Variants in PCDHA1 observed in about 807,000 individuals in gnomAD.
PCDHA1 encodes protocadherin alpha-1.
PCDHA1 carries 42 observed loss-of-function variants against 61.3 expected under a neutral mutation model. That is an observed-to-expected ratio of 0.69 (90% confidence interval 0.54 to 0.89). The LOEUF is 0.89. PCDHA1 is among the 40% of genes least tolerant of loss of function. The pLI is 0.00. For synonymous variants in PCDHA1, 610 were observed against 553.8 expected (o/e 1.10, Z -1.43); for missense variants, 1,256 against 1,235.3 (o/e 1.02, Z -0.25).
chr5:140,955,832 G>A (rs2095230258), intron 1 of PCDHA1, among the ~76,000 whole-genome samples: 1 of 152,132 alleles, frequency 6.6e-6, no homozygotes, highest in South Asian at 2.1e-4. Flanking sequence ...TTGAGCAGTG[G>A]TTTGTCATTC....
intron 1 of PCDHA1, chr5:140,829,465 C>G (rs2150168424): frequency 1.2e-6 from 2 of 1,613,822 alleles, no homozygotes; most frequent in Admixed American, 1.7e-5. Flanking sequence ...TCGCGCAGCC[C>G]GAGTACACAG....
At chr5:140,842,475 T>A in intron 1 of PCDHA1, 4 of 1,613,948 alleles carry the variant, frequency 2.5e-6, no homozygotes, top group Non-Finnish European at 2.5e-6. Context: ...AACGGGCAGG[T>A]GACCTGCTCC....
At chr5:140,914,038 T>C (rs949307049) in intron 1 of PCDHA1, among the ~76,000 whole-genome samples, 14 of 152,206 alleles carry the variant, frequency 9.2e-5, no homozygotes, top group Non-Finnish European at 1.3e-4. Context: ...GAGAAGAATG[T>C]GTATTCTGCA....
intron 1 of PCDHA1, chr5:140,968,059 G>A (rs1554230273): frequency 6.2e-7 from 1 of 1,614,106 alleles, no homozygotes; most frequent in South Asian, 1.1e-5. Context: ...ACCGAGAGCG[G>A]GTGGCTGTCT....
chr5:140,875,637 G>T, intron 1 of PCDHA1: 1 of 1,613,638 alleles, frequency 6.2e-7, no homozygotes, highest in Non-Finnish European at 8.5e-7. Flanking sequence ...TGGGGCTGGA[G>T]CTGGCGGAGC....
intron 1 of PCDHA1, chr5:140,969,475 C>A: frequency 1.4e-6 from 2 of 1,476,386 alleles, no homozygotes; most frequent in South Asian, 1.4e-5. Context: ...ACAATTTGAT[C>A]ATAATCTGCT....
At chr5:140,803,155 A>C (rs782366845) in intron 1 of PCDHA1, 6 of 1,613,866 alleles carry the variant, frequency 3.7e-6, no homozygotes, top group Non-Finnish European at 5.1e-6. Flanking sequence ...CTGGTGAAGG[A>C]CCACGGTGAA....
chr5:140,969,292 C>G, intron 1 of PCDHA1: 2 of 1,614,208 alleles, frequency 1.2e-6, no homozygotes, highest in Non-Finnish European at 1.7e-6. Context: ...ATGCTGGGAA[C>G]CTGATTATTC....
chr5:140,861,303 G>A (rs1290097316), intron 1 of PCDHA1: 2 of 189,476 alleles, frequency 1.1e-5, no homozygotes, highest in Non-Finnish European at 2.2e-5. Context: ...TGTGAAGCGG[G>A]AAAGGACCAG....
At chr5:140,821,261 AT>A (rs1766930813) in intron 1 of PCDHA1, among the ~76,000 whole-genome samples, 1 of 152,196 alleles carries the variant, frequency 6.6e-6, no homozygotes. Flanking sequence ...CTTAAAAGTT[AT>A]TTTTATCAGT....
At position 140,788,481 on chromosome 5, in the gene PCDHA1, G is replaced by A; in HGVS notation, c.2191G>A (p.Ala731Thr). ...LRCSVPPTEG[A>T]YVPGKPTLVC... ...GTGCTCAGTGCCGCCCACTGAGGGT[G>A]CGTATGTGCCGGGCAAGCCCACTCT... Residue 731 changes from alanine to threonine, a missense_variant, in exon 1 of 4, where the codon GCG becomes ACG. Transcript: ENST00000504120. 1 of 1,614,124 alleles carries A rather than the reference G, an allele frequency of 6.2e-7. No individual in the cohort carries two copies. Among genetic ancestry groups the A allele is most frequent in the East Asian group, 2.2e-5 (1 of 44,878 alleles).
intron 1 of PCDHA1, chr5:140,812,217 A>G (rs1562234594): frequency 6.6e-6 from 1 of 151,494 alleles, no homozygotes; most frequent in East Asian, 1.9e-4. Flanking sequence ...CTTTGTTTAG[A>G]TTTTTTATGA....
In PCDHA1 at chr5:140,976,792, T is replaced by C. The variant is rs982135806; in HGVS notation, c.2395-2157T>C. 2.1e-4 allele frequency among the ~76,000 whole-genome samples: 32 copies of C among 152,216 alleles called. 1 individual carries two copies. The highest frequency in any genetic ancestry group is 1.0e-3 in the Admixed American group (16 of 15,274). ...AGACTCTGACTATATAGCTACGCTT[T>C]TATGAATATCTGAAGATATGCATGT... On this transcript the variant is annotated intron_variant, in intron 1 of 3. Coordinates refer to ENST00000504120, the MANE Select transcript of PCDHA1 (RefSeq NM_018900.4).
intron 1 of PCDHA1, among the ~76,000 whole-genome samples, chr5:140,924,446 G>A (rs1554201951): frequency 6.6e-6 from 1 of 152,110 alleles, no homozygotes; most frequent in African/African-American, 2.4e-5. Context: ...ATAACGAATG[G>A]GTTTGTGTGT....
intron 1 of PCDHA1, among the ~76,000 whole-genome samples, chr5:140,892,628 T>C (rs1554185308): frequency 6.6e-6 from 1 of 152,166 alleles, no homozygotes; most frequent in African/African-American, 2.4e-5. Flanking sequence ...TGGTACATAA[T>C]AATTGTACAT....
In PCDHA1 at chr5:140,827,543, G is replaced by A. The variant is rs2150148140; in HGVS notation, c.2394+38859G>A. The stretch of plus-strand genomic sequence containing the variant: ...TTCAACCAAAATTTGATAATTTTAA[G>A]TTACATTTTTTCCCTAGAGCACTAT... On this transcript the variant is annotated intron_variant, in intron 1 of 3. Coordinates refer to ENST00000504120, the MANE Select transcript of PCDHA1 (RefSeq NM_018900.4). 6.6e-5 allele frequency among the ~76,000 whole-genome samples: 9 copies of A among 136,154 alleles called. No homozygotes were observed. The South Asian group carries it at 1.9e-3, about 28-fold the overall frequency. The allele number at this position is 136,154 out of a possible 152,430, so 89.3% of individuals were successfully genotyped here.
chr5:140,964,556 G>A (rs2095839745), intron 1 of PCDHA1, among the ~76,000 whole-genome samples: 1 of 152,166 alleles, frequency 6.6e-6, no homozygotes. Context: ...GCGACTTGGA[G>A]GGCTGGGAGG....
At chr5:140,842,147 GC>G (rs2150330571) in intron 1 of PCDHA1, 1 of 1,613,842 alleles carries the variant, frequency 6.2e-7, no homozygotes, top group East Asian at 2.2e-5. Flanking sequence ...AGCCAATGGG[GC>G]AATTTCATAT....
chr5:140,861,527 G>C (rs1554154863), intron 1 of PCDHA1: 3 of 454,914 alleles, frequency 6.6e-6, no homozygotes, highest in Non-Finnish European at 1.4e-5. Context: ...GGAGGATCTC[G>C]GAGTGCAGCA....
Sources: allele counts gnomAD v4.1 joint callset (sites outside exome capture counted in the v4.1 genomes callset), GRCh38; gene constraint gnomAD v4.1.1; transcripts MANE v1.5; gene names NCBI Gene and HGNC (gene_info 2026-07-23, HGNC 2026-07-21).